The following PLCXD3 variants were observed in gnomAD, a reference collection of about 807,000 sequenced individuals.
The protein encoded by PLCXD3 is PI-PLC X domain-containing protein 3.
A neutral mutation model predicts 25.5 loss-of-function variants in PLCXD3; 19 were observed. The observed-to-expected ratio is 0.75, with a 90% CI of 0.52 to 1.09. PLCXD3 has a LOEUF of 1.09. Ranked by LOEUF, PLCXD3 falls within the 50% of genes least tolerant of loss-of-function variation. The pLI, the probability that PLCXD3 is intolerant of heterozygous loss-of-function variation, is 0.00. For synonymous variants in PLCXD3, 174 were observed against 137.6 expected, an observed-to-expected ratio of 1.26 and a Z score of -1.85; for missense variants, 411 against 388.1, an observed-to-expected ratio of 1.06 and a Z score of -0.50.
In PLCXD3 at chr5:41,506,859, A is replaced by T. The variant is rs1451559629; in HGVS notation, c.103+3565T>A. ...CCTTATCTAAAAAGTACAGTCAACA[A>T]TTCCCTGTTGAAGAAAACATGGATT... is the stretch of plus-strand genomic sequence containing the variant. On this transcript the variant is annotated intron_variant, in intron 1 of 2. Transcript: ENST00000377801. Among the ~76,000 whole-genome samples the T allele has an allele frequency of 2.0e-5, 3 of 152,228 alleles. No individual in the cohort carries two copies. In the East Asian group the frequency reaches 5.8e-4, roughly 29 times the overall value.
chr5:41,488,974 T>A (rs1007754807), intron 1 of PLCXD3, among the ~76,000 whole-genome samples: 9 of 152,228 alleles, frequency 5.9e-5, no homozygotes, highest in African/African-American at 2.2e-4. Flanking sequence ...TTGCCATTGC[T>A]TTTGGTGTTT....
At chr5:41,417,821 C>T (rs945661566) in intron 1 of PLCXD3, among the ~76,000 whole-genome samples, 3 of 152,180 alleles carry the variant, frequency 2.0e-5, no homozygotes, top group Non-Finnish European at 4.4e-5. Context: ...GCCAGAGAAA[C>T]GTGCCCACTG....
At chr5:41,412,444 G>T (rs1746580673) in intron 1 of PLCXD3, among the ~76,000 whole-genome samples, 1 of 152,008 alleles carries the variant, frequency 6.6e-6, no homozygotes, top group African/African-American at 2.4e-5. Context: ...TTATTAGGAG[G>T]TGACTTACAC....
intron 1 of PLCXD3, among the ~76,000 whole-genome samples, chr5:41,446,176 C>CAAAAAAAAAAAAAAAAAAAAAAAA (rs70988847): frequency 5.2e-5 from 2 of 38,122 alleles, no homozygotes; most frequent in Non-Finnish European, 1.0e-4. Context: ...GACTCCTTCT[C>CAAAAAAAAAAAAAAAAAAAAAAAA]AAAAAAAAAA....
chr5:41,370,952 T>C (rs1319203416), intron 2 of PLCXD3, among the ~76,000 whole-genome samples: 1 of 152,150 alleles, frequency 6.6e-6, no homozygotes, highest in Non-Finnish European at 1.5e-5. Flanking sequence ...CTGGACCCCT[T>C]CTCTCCATCA....
At chr5:41,464,709 G>C (rs1269999025) in intron 1 of PLCXD3, among the ~76,000 whole-genome samples, 2 of 152,062 alleles carry the variant, frequency 1.3e-5, no homozygotes, top group Non-Finnish European at 2.9e-5. Flanking sequence ...TCTTCTTCAT[G>C]GTGAATTCTC....
intron 1 of PLCXD3, among the ~76,000 whole-genome samples, chr5:41,390,445 G>T (rs1469475092): frequency 1.3e-5 from 2 of 152,104 alleles, no homozygotes; most frequent in Non-Finnish European, 2.9e-5. Context: ...TTCTCAAAAA[G>T]ATTGTCTCAT....
chr5:41,493,354 T>A (rs1264832495), intron 1 of PLCXD3, among the ~76,000 whole-genome samples: 1 of 152,184 alleles, frequency 6.6e-6, no homozygotes, highest in Non-Finnish European at 1.5e-5. Flanking sequence ...GGGGGGTGCC[T>A]CCCAGTTAGG....
At chr5:41,315,843 A>G (rs1215755292) in intron 2 of PLCXD3, among the ~76,000 whole-genome samples, 1 of 152,214 alleles carries the variant, frequency 6.6e-6, no homozygotes, top group Non-Finnish European at 1.5e-5. Flanking sequence ...CCAGTCACAC[A>G]GGGAATATTT....
At chr5:41,388,147 C>A (rs1308920005) in intron 1 of PLCXD3, among the ~76,000 whole-genome samples, 1 of 151,946 alleles carries the variant, frequency 6.6e-6, no homozygotes, top group Non-Finnish European at 1.5e-5. Flanking sequence ...TACATACAAT[C>A]CTTGCCCTCA....
chr5:41,368,534 T>G (rs1745002847), intron 2 of PLCXD3, among the ~76,000 whole-genome samples: 1 of 152,196 alleles, frequency 6.6e-6, no homozygotes, highest in African/African-American at 2.4e-5. Context: ...TATTTCTTTC[T>G]CTTGCCTGGT....
chr5:41,361,547 A>G (rs1363558737), intron 2 of PLCXD3, among the ~76,000 whole-genome samples: 4 of 152,236 alleles, frequency 2.6e-5, no homozygotes, highest in African/African-American at 9.6e-5. Context: ...TGTATCTGCC[A>G]TCTTTCAATC....
At chr5:41,321,904 C>T (rs944324156) in intron 2 of PLCXD3, among the ~76,000 whole-genome samples, 1 of 152,130 alleles carries the variant, frequency 6.6e-6, no homozygotes, top group African/African-American at 2.4e-5. Context: ...TATCTCTCAC[C>T]TCTCACCATA....
chr5:41,432,464 G>GTAC (rs147323045), intron 1 of PLCXD3, among the ~76,000 whole-genome samples: 82 of 152,332 alleles, frequency 5.4e-4, no homozygotes, highest in Non-Finnish European at 6.5e-4. Flanking sequence ...TGGAGAAGAT[G>GTAC]TACTGCATTG....
At chr5:41,491,265 G>C (rs1354933938) in intron 1 of PLCXD3, among the ~76,000 whole-genome samples, 2 of 152,194 alleles carry the variant, frequency 1.3e-5, no homozygotes, top group Non-Finnish European at 2.9e-5. Context: ...TCTTAATCCT[G>C]AGTTATAGTT....
chr5:41,346,778 C>CA (rs1262424159), intron 2 of PLCXD3, among the ~76,000 whole-genome samples: 1 of 152,074 alleles, frequency 6.6e-6, no homozygotes, highest in Non-Finnish European at 1.5e-5. Context: ...ATGTCTTTTT[C>CA]ACTTATCAAT....
intron 2 of PLCXD3, among the ~76,000 whole-genome samples, chr5:41,368,250 G>C (rs557549863): frequency 2.7e-4 from 41 of 152,102 alleles, no homozygotes; most frequent in African/African-American, 9.6e-4. Context: ...TTCATAATTT[G>C]GTTCTATATT....
chr5:41,483,491 GC>G (rs1748456482), intron 1 of PLCXD3, among the ~76,000 whole-genome samples: 1 of 152,044 alleles, frequency 6.6e-6, no homozygotes, highest in Admixed American at 6.6e-5. Context: ...TAAAATATAT[GC>G]TATATCTTCG....
At chr5:41,316,957 C>T (rs956170251) in intron 2 of PLCXD3, among the ~76,000 whole-genome samples, 76 of 152,326 alleles carry the variant, frequency 5.0e-4, no homozygotes, top group South Asian at 8.3e-4. Flanking sequence ...AGGATACAGA[C>T]GTGGCTGGCT....
Sources: allele counts gnomAD v4.1 joint callset (sites outside exome capture counted in the v4.1 genomes callset), GRCh38; gene constraint gnomAD v4.1.1; transcripts MANE v1.5; gene names NCBI Gene and HGNC (gene_info 2026-07-23, HGNC 2026-07-21).